The following MZT2B variants were observed in gnomAD, a reference collection of about 807,000 sequenced individuals.
MZT2B encodes the protein mitotic-spindle organizing protein 2B.
MZT2B carries 11 observed loss-of-function variants against 12.1 expected under a neutral mutation model. That is an observed-to-expected ratio of 0.91 (90% CI 0.57 to 1.50). The LOEUF is 1.50. Ranked by LOEUF, MZT2B falls within the 40% of genes most tolerant of loss-of-function variation. MZT2B has a pLI of 0.00. For missense variants in MZT2B, 209 were observed against 227.7 expected (o/e 0.92, Z 0.53); for synonymous variants, 85 against 109.5 (o/e 0.78, Z 1.40).
Position 130,182,337 on chromosome 2 carries a change from G to A in MZT2B, c.55G>A (p.Glu19Lys), listed in dbSNP as rs1689742087. 2.0e-6 allele frequency: 3 copies of A among 1,529,546 alleles called. No homozygotes were observed. The South Asian group carries it at 3.6e-5, about 18-fold the overall frequency. The allele number at this position is 1,529,546 out of a possible 1,614,324, so 94.7% of individuals were successfully genotyped here. ...GPGSAAPPGL[E>K]AARQKLALRR... ...GGGGTCGGCGGCGCCCCCGGGGCTG[G>A]AGGCGGCCCGGCAGAAGCTGGCGCT... The change falls in exon 1 of 3, where the codon GAG (glutamate) becomes AAG (lysine). Residue 19 changes from glutamate (E) to lysine (K), a missense_variant. Coordinates refer to ENST00000281871, the MANE Select transcript of MZT2B (RefSeq NM_025029.5).
At chr2:130,191,698 C>T, downstream of MZT2B, 12 of 1,467,306 alleles carry the variant, frequency 8.2e-6, no homozygotes, top group Non-Finnish European at 1.0e-5. Context: ...CTCTGGGGTC[C>T]CACCAGCTCC....
intron 2 of MZT2B, chr2:130,188,124 G>C (rs1690126798): frequency 6.6e-6 from 1 of 151,864 alleles, no homozygotes; most frequent in South Asian, 2.1e-4. Flanking sequence ...CTTGTTTCCA[G>C]AAGGGACTGG....
At chr2:130,183,690 A>G in intron 2 of MZT2B, 2 of 1,547,790 alleles carry the variant, frequency 1.3e-6, no homozygotes, top group Non-Finnish European at 1.7e-6. Context: ...CTGGGCACCC[A>G]CACCCGCTGA....
downstream of MZT2B, chr2:130,195,156 C>A: frequency 2.5e-6 from 4 of 1,613,848 alleles, no homozygotes; most frequent in Non-Finnish European, 3.4e-6. Context: ...TAATTACTGG[C>A]TGCATCTTCC....
chr2:130,195,124 G>A (rs746060414), downstream of MZT2B: 13 of 1,613,062 alleles, frequency 8.1e-6, no homozygotes, highest in Middle Eastern at 1.7e-4. Context: ...TCTCCTTGCC[G>A]ATGGTGTAAT....
downstream of MZT2B, chr2:130,193,712 T>C: frequency 6.5e-7 from 1 of 1,538,744 alleles, no homozygotes; most frequent in Non-Finnish European, 8.8e-7. Flanking sequence ...CCCCAAAGGA[T>C]GTGGGCCTTC....
chr2:130,190,976 G>C (rs943982756), downstream of MZT2B, among the ~76,000 whole-genome samples: 13 of 152,022 alleles, frequency 8.6e-5, no homozygotes, highest in African/African-American at 2.9e-4. Flanking sequence ...TTGAAATGGA[G>C]TCTTGCTCTG....
intron 2 of MZT2B, chr2:130,183,506 C>G (rs1251764455): frequency 1.8e-6 from 1 of 558,570 alleles, no homozygotes; most frequent in East Asian, 3.2e-5. Context: ...CCTGCTCATC[C>G]TCTCCGCATG....
downstream of MZT2B, chr2:130,193,943 T>C (rs767217190): frequency 1.1e-5 from 18 of 1,614,112 alleles, 1 homozygote; most frequent in Middle Eastern, 1.6e-4. Flanking sequence ...GACCATCTGA[T>C]TGGCTGGCTC....
At chr2:130,200,390 CAAAAA>C in the MZT2B span, among the ~76,000 whole-genome samples, 1 of 124,400 alleles carries the variant, frequency 8.0e-6, no homozygotes, top group Middle Eastern at 3.9e-3. Context: ...GACTCTGTCT[CAAAAA>C]AAAAAAAAAA....
Position 130,182,381 on chromosome 2 carries a change from G to A in MZT2B, c.99G>A (p.Leu33=). The A allele has an allele frequency of 6.4e-7, 1 of 1,553,408 alleles. No individual in the cohort carries two copies. Among genetic ancestry groups the A allele is most frequent in the Non-Finnish European group, 8.7e-7 (1 of 1,153,324 alleles). ...TGGCGCTGCGGCGGAAGAAGGTGCTGAGCACCGAGGAGATGGAGCTGTACG... is the reference window on the plus strand; with the variant it reads ...TGGCGCTGCGGCGGAAGAAGGTGCTAAGCACCGAGGAGATGGAGCTGTACG... ...QKLALRRKKV[L]STEEMELYEL... Residue 33 remains leucine, a synonymous_variant, in exon 1 of 3, where the codon CTG becomes CTA. Coordinates refer to ENST00000281871, the MANE Select transcript of MZT2B (RefSeq NM_025029.5).
chr2:130,190,216 G>A (rs911855750), intron 2 of MZT2B, among the ~76,000 whole-genome samples: 1 of 152,194 alleles, frequency 6.6e-6, no homozygotes, highest in Non-Finnish European at 1.5e-5. Context: ...TCCCTTGGCA[G>A]TGTGCTCCTT....
intron 2 of MZT2B, among the ~76,000 whole-genome samples, chr2:130,185,907 G>A (rs2104728577): frequency 6.6e-6 from 1 of 152,240 alleles, no homozygotes; most frequent in East Asian, 1.9e-4. Context: ...AGGCTGGGTG[G>A]CAGAAAGCCA....
At chr2:130,202,325 G>C in the MZT2B span, 1 of 1,289,730 alleles carries the variant, frequency 7.8e-7, no homozygotes, top group South Asian at 1.2e-5. Context: ...ATTCAAACAG[G>C]CTTGAGTGAC....
intron 2 of MZT2B, chr2:130,188,337 AGAG>A (rs61643310): frequency 0.36 from 59,106 of 166,214 alleles, 9,961 homozygotes; most frequent in East Asian, 0.46. Flanking sequence ...CTGTGGCCTC[AGAG>A]GAGGATGCTG....
chr2:130,181,720 T>A (rs1415141618), upstream of MZT2B: 1 of 1,548,904 alleles, frequency 6.5e-7, no homozygotes, highest in South Asian at 1.2e-5. Context: ...GGAAGAGAAA[T>A]GGCGAGGCAG....
intron 2 of MZT2B, among the ~76,000 whole-genome samples, chr2:130,186,054 GCT>G (rs1185958227): frequency 6.6e-6 from 1 of 152,096 alleles, no homozygotes; most frequent in African/African-American, 2.4e-5. Flanking sequence ...AATGCTGAGA[GCT>G]CTCTGAGGCC....
At chr2:130,199,411 A>G in the MZT2B span, among the ~76,000 whole-genome samples, 13 of 117,966 alleles carry the variant, frequency 1.1e-4, 2 homozygotes, top group African/African-American at 4.0e-4. Context: ...TTAGCAAGGC[A>G]TGGTGGCATG....
upstream of MZT2B, chr2:130,181,797 G>T: frequency 6.5e-7 from 1 of 1,546,816 alleles, no homozygotes; most frequent in Non-Finnish European, 8.7e-7. Flanking sequence ...GGCGCCCCAA[G>T]GTACTTTCTC....
Sources: allele counts gnomAD v4.1 joint callset (sites outside exome capture counted in the v4.1 genomes callset), GRCh38; gene constraint gnomAD v4.1.1; transcripts MANE v1.5; gene names NCBI Gene and HGNC (gene_info 2026-07-23, HGNC 2026-07-21).